The following ADAM12 variants were observed in gnomAD, a reference collection of about 807,000 sequenced individuals.
The protein encoded by ADAM12 is disintegrin and metalloproteinase domain-containing protein 12.
ADAM12 carries 70 observed loss-of-function variants against 106.4 expected under a neutral mutation model. The observed-to-expected ratio is 0.66, with a 90% CI of 0.54 to 0.80. The LOEUF (loss-of-function observed/expected upper bound fraction) is 0.80. ADAM12 is among the 30% of genes least tolerant of loss of function. ADAM12 has a pLI of 0.00. For missense variants in ADAM12, 1,010 were observed against 1,171.9 expected, an observed-to-expected ratio of 0.86 and a Z score of 2.02; for synonymous variants, 420 against 433.5, an observed-to-expected ratio of 0.97 and a Z score of 0.39.
intron 21 of ADAM12, among the ~76,000 whole-genome samples, chr10:126,033,078 T>C (rs1953997327): frequency 6.6e-6 from 1 of 152,044 alleles, no homozygotes; most frequent in Admixed American, 6.5e-5. Context: ...AGGCAAAGGA[T>C]AGGAAAAGAC....
intron 9 of ADAM12, among the ~76,000 whole-genome samples, chr10:126,099,978 C>CT (rs748349935): frequency 0.034 from 4,780 of 139,352 alleles, 227 homozygotes; most frequent in African/African-American, 0.12. Context: ...TAGATTGTTC[C>CT]TTTTTTTTTT....
chr10:126,043,030 C>T lies in ADAM12; in HGVS notation c.2104+10G>A. ...GCCTCCTCCCACCGGGATGCAGGGG[C>T]TTCACTGACCTGCTTGCCGGATGGG... On this transcript the variant is annotated intron_variant, in intron 18 of 22. Coordinates refer to ENST00000448723, the MANE Select transcript of ADAM12 (RefSeq NM_001288973.2). This position sits in a 1 kb window ranked among gnomAD's most constrained non-coding sequence, Gnocchi z 4.1. 6.2e-7 allele frequency: 1 copy of T among 1,613,516 alleles called. No homozygotes were observed. The highest frequency in any genetic ancestry group is 1.1e-5 in the South Asian group (1 of 90,952).
chr10:126,071,379 T>C (rs1221758238), intron 12 of ADAM12, 98 bp downstream of exon 12: 35 of 1,432,998 alleles, frequency 2.4e-5, no homozygotes, highest in Non-Finnish European at 3.2e-5. Flanking sequence ...TGAGTTCTAG[T>C]ACTTTCATCT....
At position 126,066,914 on chromosome 10, in the gene ADAM12, G is replaced by A; in HGVS notation, c.1324-108C>T. On this transcript the variant is annotated intron_variant, in intron 12 of 22. Coordinates refer to ENST00000448723, the MANE Select transcript of ADAM12 (RefSeq NM_001288973.2). The surrounding 1 kb of genome is among the most constrained non-coding windows in gnomAD (Gnocchi z 5.1). ...GCAAAAAGCAAGAAAGACCAAGAGG[G>A]CCCAGCTCCTGAACTGCACACCTGC... 9.5e-7 allele frequency: 1 copy of A among 1,051,672 alleles called. No individual in the cohort carries two copies. The highest frequency in any genetic ancestry group is 1.4e-5 in the South Asian group (1 of 70,474). The allele number at this position is 1,051,672 out of a possible 1,614,324, so 65.1% of individuals were successfully genotyped here.
At chr10:126,225,616 C>A (rs753055972) in intron 3 of ADAM12, among the ~76,000 whole-genome samples, 1 of 152,140 alleles carries the variant, frequency 6.6e-6, no homozygotes, top group African/African-American at 2.4e-5. Context: ...GTTCAGGCTG[C>A]AAAATGAGGG....
chr10:126,026,013 T>TAAAG (rs1284382857), intron 21 of ADAM12, among the ~76,000 whole-genome samples: 1 of 152,156 alleles, frequency 6.6e-6, no homozygotes, highest in Non-Finnish European at 1.5e-5. Flanking sequence ...CAACATTCTT[T>TAAAG]AAAGATTTTC....
intron 21 of ADAM12, among the ~76,000 whole-genome samples, chr10:126,022,680 A>G (rs756841158): frequency 2.8e-4 from 42 of 152,262 alleles, no homozygotes; most frequent in Admixed American, 2.0e-4. Context: ...AGAGAAGTCC[A>G]GTGTGATCAC....
chr10:126,024,267 A>G lies in ADAM12; in HGVS notation c.2530-4442T>C, dbSNP rs138051680. Among the ~76,000 whole-genome samples the G allele has an allele frequency of 5.8e-3, 878 of 152,346 alleles. 5 individuals carry two copies. Among genetic ancestry groups the G allele is most frequent in the African/African-American group, 0.02 (851 of 41,582 alleles). ...CTTGTATCTGGAGGGAGGCTAATGTAGTGACTTTAATGTTTCACTTCTTTT... is the reference window on the plus strand; with the variant it reads ...CTTGTATCTGGAGGGAGGCTAATGTGGTGACTTTAATGTTTCACTTCTTTT... On this transcript the variant is annotated intron_variant, in intron 21 of 22. Coordinates refer to ENST00000448723, the MANE Select transcript of ADAM12 (RefSeq NM_001288973.2).
intron 3 of ADAM12, among the ~76,000 whole-genome samples, chr10:126,239,699 C>T (rs760293387): frequency 1.3e-5 from 2 of 152,154 alleles, no homozygotes; most frequent in Admixed American, 6.5e-5. Context: ...ACATAGTGCA[C>T]GTTTGCAACT....
chr10:126,079,590 A>C (rs1467739297), intron 11 of ADAM12, among the ~76,000 whole-genome samples: 1 of 152,196 alleles, frequency 6.6e-6, no homozygotes, highest in Non-Finnish European at 1.5e-5. Context: ...TTAATGATCC[A>C]GGTGATTTTG....
intron 21 of ADAM12, among the ~76,000 whole-genome samples, chr10:126,020,144 G>A (rs533952710): frequency 4.6e-5 from 7 of 152,232 alleles, no homozygotes; most frequent in African/African-American, 7.2e-5. Flanking sequence ...TTAGTTAGGC[G>A]GCTTCTCTGT....
chr10:126,050,438 G>A (rs1954451742), intron 14 of ADAM12, among the ~76,000 whole-genome samples: 1 of 152,224 alleles, frequency 6.6e-6, no homozygotes, highest in Admixed American at 6.5e-5. Flanking sequence ...AGACTATTGA[G>A]CAAGTCAAGA....
At chr10:126,056,316 G>A (rs1954629976) in intron 14 of ADAM12, among the ~76,000 whole-genome samples, 1 of 152,202 alleles carries the variant, frequency 6.6e-6, no homozygotes, top group Non-Finnish European at 1.5e-5. Flanking sequence ...GCAAAGAAAA[G>A]GGGCATTTGC....
intron 3 of ADAM12, among the ~76,000 whole-genome samples, chr10:126,156,679 T>C (rs749095281): frequency 2.6e-4 from 39 of 152,322 alleles, no homozygotes; most frequent in Non-Finnish European, 4.3e-4. Context: ...GGATGTGCTT[T>C]GGGTGGAGCA....
chr10:126,113,803 G>A (rs1382417335), intron 6 of ADAM12, among the ~76,000 whole-genome samples: 4 of 143,528 alleles, frequency 2.8e-5, no homozygotes, highest in Non-Finnish European at 6.0e-5. Flanking sequence ...TGGAAGCTGA[G>A]AGTGCAGCAA....
intron 3 of ADAM12, among the ~76,000 whole-genome samples, chr10:126,269,981 A>C (rs928511628): frequency 2.0e-5 from 3 of 152,228 alleles, no homozygotes; most frequent in African/African-American, 7.2e-5. Context: ...ATACAACTTC[A>C]AAGAATGAAA....
chr10:126,332,498 T>A (rs1024513008), intron 1 of ADAM12, among the ~76,000 whole-genome samples: 1 of 152,200 alleles, frequency 6.6e-6, no homozygotes. Context: ...AACTGCAACC[T>A]TCTTGTCAAT....
rs1159892825 is a variant in ADAM12 at position 126,013,115 on chromosome 10, C to T, written c.*4164G>A. On this transcript the variant is annotated 3_prime_UTR_variant, in exon 23 of 23. Coordinates refer to ENST00000448723, the MANE Select transcript of ADAM12 (RefSeq NM_001288973.2). The surrounding 1 kb of genome is among the most constrained non-coding windows in gnomAD (Gnocchi z 4.3). ...CATTATCCATTATTGGATATTTTAA[C>T]AATTTTATAGTTATTCTTAATTTTT... 1 of 152,132 alleles carries T rather than the reference C, an allele frequency of 6.6e-6. No homozygotes were observed. The highest frequency in any genetic ancestry group is 1.5e-5 in the Non-Finnish European group (1 of 68,034). The allele number at this position is 152,132 out of a possible 1,614,324, so 9.4% of individuals were successfully genotyped here.
intron 2 of ADAM12, among the ~76,000 whole-genome samples, chr10:126,313,159 C>T (rs1650145837): frequency 6.6e-6 from 1 of 152,178 alleles, no homozygotes; most frequent in Non-Finnish European, 1.5e-5. Flanking sequence ...AGATGGCACC[C>T]TAGTATGCCT....
Sources: gnomAD v4.1 joint callset for allele counts (sites outside exome capture counted in the v4.1 genomes callset) on GRCh38, gnomAD v4.1.1 for gene constraint, Gnocchi (gnomAD v3.1) non-coding constraint, MANE v1.5 for transcripts, NCBI Gene and HGNC (gene_info 2026-07-23, HGNC 2026-07-21) for gene names.